Variants in ACBD6 observed in about 807,000 individuals in gnomAD.
ACBD6 encodes the protein acyl-CoA-binding domain-containing protein 6.
In ACBD6, 28 loss-of-function variants were observed where a neutral mutation model predicts 37.2. That is an observed-to-expected ratio of 0.75 (90% CI 0.56 to 1.03). ACBD6 has a LOEUF of 1.03. Among genes scored for constraint, ACBD6 ranks in the 50% least tolerant of loss-of-function variants. The probability of loss-of-function intolerance (pLI) is 0.00; values close to 1 mark genes in which losing one functional copy is unlikely to be tolerated. For missense variants in ACBD6, 340 were observed against 337.4 expected (o/e 1.01, Z -0.06); for synonymous variants, 113 against 126.8 (o/e 0.89, Z 0.73).
intron 7 of ACBD6, among the ~76,000 whole-genome samples, chr1:180,290,160 A>G (rs958509516): frequency 6.7e-6 from 1 of 148,808 alleles, no homozygotes; most frequent in African/African-American, 2.6e-5. Flanking sequence ...GTTGTTGCTC[A>G]TTTGTTTCAA....
At chr1:180,330,221 G>A (rs1651426095) in intron 6 of ACBD6, among the ~76,000 whole-genome samples, 1 of 151,752 alleles carries the variant, frequency 6.6e-6, no homozygotes, top group Admixed American at 6.6e-5. Flanking sequence ...AGATCAGCCT[G>A]GGCAACATTA....
chr1:180,396,889 T>C (rs529074182), intron 6 of ACBD6, among the ~76,000 whole-genome samples: 2 of 152,314 alleles, frequency 1.3e-5, no homozygotes, highest in East Asian at 3.8e-4. Context: ...AGTTTGTCAG[T>C]TGCTCAAAAA....
At chr1:180,353,922 C>T (rs1201289617) in intron 6 of ACBD6, among the ~76,000 whole-genome samples, 2 of 152,090 alleles carry the variant, frequency 1.3e-5, no homozygotes, top group Non-Finnish European at 2.9e-5. Context: ...CTTTCATCCA[C>T]ACTTTTGTGA....
downstream of ACBD6, among the ~76,000 whole-genome samples, chr1:180,283,297 C>T (rs1378496098): frequency 1.3e-5 from 2 of 152,086 alleles, no homozygotes; most frequent in Non-Finnish European, 2.9e-5. Context: ...TTGGAAGTCA[C>T]CTGTTGACTC....
At chr1:180,431,699 A>T (rs1323880068) in intron 3 of ACBD6, among the ~76,000 whole-genome samples, 4 of 152,180 alleles carry the variant, frequency 2.6e-5, no homozygotes, top group African/African-American at 9.7e-5. Context: ...ATAGGATAAA[A>T]CTAAAACATA....
rs1253532141 is a variant in ACBD6 at position 180,436,019 on chromosome 1, T to C, written c.385-5757A>G. On this transcript the variant is annotated intron_variant, in intron 3 of 7. Transcript: ENST00000367595. The stretch of plus-strand genomic sequence containing the variant: ...CTTCAGAATTTACTGTATCGTTTAA[T>C]GTTGTACGTCTGGAATGCAAGTATT... The C allele has an allele frequency of 7.9e-6, 6 of 755,206 alleles. No homozygotes were observed. In the East Asian group the frequency reaches 1.3e-4, roughly 16 times the overall value. The allele number at this position is 755,206 out of a possible 1,614,324, so 46.8% of individuals were successfully genotyped here. A position where few individuals can be genotyped will look rare whatever the true frequency, so the allele number is the denominator to read the frequency against.
chr1:180,475,027 AT>A (rs1196931011), intron 3 of ACBD6, among the ~76,000 whole-genome samples: 1 of 152,252 alleles, frequency 6.6e-6, no homozygotes, highest in Non-Finnish European at 1.5e-5. Flanking sequence ...AACTGAATAA[AT>A]ATGAAATCAA....
At chr1:180,500,378 C>T (rs1166600233) in intron 1 of ACBD6, among the ~76,000 whole-genome samples, 1 of 152,078 alleles carries the variant, frequency 6.6e-6, no homozygotes, top group African/African-American at 2.4e-5. Flanking sequence ...ACCTAGACTC[C>T]TCAAGTACTT....
intron 3 of ACBD6, among the ~76,000 whole-genome samples, chr1:180,472,294 T>A (rs1436602015): frequency 6.6e-6 from 1 of 152,096 alleles, no homozygotes; most frequent in Non-Finnish European, 1.5e-5. Flanking sequence ...TGGCAAAAAA[T>A]TATACTATGA....
intron 6 of ACBD6, among the ~76,000 whole-genome samples, chr1:180,385,192 T>TG (rs1653806009): frequency 6.6e-6 from 1 of 151,846 alleles, no homozygotes; most frequent in Non-Finnish European, 1.5e-5. Context: ...CCAAATACCC[T>TG]GACTTGATCA....
At position 180,488,676 on chromosome 1, in the gene ACBD6, T is replaced by A. The variant is rs114733449; in HGVS notation, c.384+3593A>T. Reference sequence around the variant, plus strand: ...TGCAACCCTGAACTCCTACGTTCAATGGATTCTCCCACCTCAGTCTCCCAG... The same window carrying A: ...TGCAACCCTGAACTCCTACGTTCAAAGGATTCTCCCACCTCAGTCTCCCAG... On this transcript the variant is annotated intron_variant, in intron 3 of 7. Coordinates refer to ENST00000367595, the MANE Select transcript of ACBD6 (RefSeq NM_032360.4). Among the ~76,000 whole-genome samples, 1,073 of 152,150 alleles carry A rather than the reference T, an allele frequency of 7.1e-3. 8 individuals are homozygous for A. The highest frequency in any genetic ancestry group is 0.024 in the African/African-American group (1,002 of 41,506).
At chr1:180,315,381 C>T (rs1377165960) in intron 6 of ACBD6, among the ~76,000 whole-genome samples, 1 of 152,122 alleles carries the variant, frequency 6.6e-6, no homozygotes, top group Non-Finnish European at 1.5e-5. Flanking sequence ...TTTAGCAATG[C>T]CACCTCTTAA....
chr1:180,435,715 C>T (rs1365943399), intron 3 of ACBD6: 1 of 853,704 alleles, frequency 1.2e-6, no homozygotes, highest in Non-Finnish European at 2.0e-6. Flanking sequence ...CTGTCAATCT[C>T]GCCTGGACAG....
At chr1:180,489,270 T>C (rs992181991) in intron 3 of ACBD6, among the ~76,000 whole-genome samples, 3 of 151,702 alleles carry the variant, frequency 2.0e-5, no homozygotes, top group African/African-American at 7.3e-5. Flanking sequence ...TAAAAGATAA[T>C]GAACTAAATG....
At chr1:180,284,970 AG>A (rs1649431560), downstream of ACBD6, among the ~76,000 whole-genome samples, 1 of 151,968 alleles carries the variant, frequency 6.6e-6, no homozygotes, top group African/African-American at 2.4e-5. Flanking sequence ...TGGGCAATAC[AG>A]GGAGAAAAAA....
chr1:180,299,713 C>T (rs189629439), intron 7 of ACBD6, among the ~76,000 whole-genome samples: 18 of 152,124 alleles, frequency 1.2e-4, no homozygotes, highest in Non-Finnish European at 2.4e-4. Context: ...CATGACTGCA[C>T]GTGCAAGGAA....
At chr1:180,322,452 T>C (rs1016302199) in intron 6 of ACBD6, among the ~76,000 whole-genome samples, 2 of 152,094 alleles carry the variant, frequency 1.3e-5, no homozygotes, top group African/African-American at 4.8e-5. Context: ...TTTTAAATGT[T>C]TGGTAGAATT....
At chr1:180,371,263 T>C (rs895489374) in intron 6 of ACBD6, among the ~76,000 whole-genome samples, 1 of 152,148 alleles carries the variant, frequency 6.6e-6, no homozygotes, top group African/African-American at 2.4e-5. Flanking sequence ...AATAGGATTA[T>C]ATCTAAATTT....
chr1:180,499,347 T>C (rs1308437025), intron 1 of ACBD6, among the ~76,000 whole-genome samples: 2 of 152,232 alleles, frequency 1.3e-5, no homozygotes, highest in African/African-American at 2.4e-5. Flanking sequence ...CAGTGTCATA[T>C]ATAAGTAAGC....
Sources: gnomAD v4.1 joint callset for allele counts (sites outside exome capture counted in the v4.1 genomes callset) on GRCh38, gnomAD v4.1.1 for gene constraint, MANE v1.5 for transcripts, NCBI Gene and HGNC (gene_info 2026-07-23, HGNC 2026-07-21) for gene names.